The following EIF4G3 variants were observed in gnomAD, a reference collection of about 807,000 sequenced individuals.
EIF4G3 encodes eIF-4-gamma 3.
Under a neutral mutation model 186.4 loss-of-function variants are expected in EIF4G3, and 34 were observed. The observed-to-expected ratio is 0.18, with a 90% CI of 0.14 to 0.24. The LOEUF (loss-of-function observed/expected upper bound fraction) is 0.24. EIF4G3 is among the 10% of genes least tolerant of loss of function. The pLI is 1.00. For synonymous variants in EIF4G3, 673 were observed against 679.5 expected (o/e 0.99, Z 0.15); for missense variants, 1,536 against 1,948.5 (o/e 0.79, Z 3.99).
chr1:21,057,346 T>C (rs1001363600), intron 3 of EIF4G3, among the ~76,000 whole-genome samples: 1 of 152,064 alleles, frequency 6.6e-6, no homozygotes, highest in Non-Finnish European at 1.5e-5. Context: ...AAAACTACCA[T>C]AACACAATTT....
intron 30 of EIF4G3, among the ~76,000 whole-genome samples, chr1:20,830,392 T>C (rs539927057): frequency 1.3e-5 from 2 of 152,340 alleles, no homozygotes; most frequent in South Asian, 4.1e-4. Context: ...CTTTCTGACC[T>C]CACAGCTTGC....
At chr1:20,953,984 T>C (rs1230837207) in intron 12 of EIF4G3, among the ~76,000 whole-genome samples, 1 of 152,148 alleles carries the variant, frequency 6.6e-6, no homozygotes, top group African/African-American at 2.4e-5. Flanking sequence ...AAAGAGACAA[T>C]ATGGCTGCAA....
intron 24 of EIF4G3, among the ~76,000 whole-genome samples, chr1:20,858,870 G>A (rs1254221836): frequency 5.3e-5 from 8 of 152,122 alleles, no homozygotes; most frequent in Admixed American, 4.6e-4. Flanking sequence ...GGTGGTGGGC[G>A]CCTGTAATCC....
intron 13 of EIF4G3, among the ~76,000 whole-genome samples, chr1:20,943,347 T>G (rs954844840): frequency 6.6e-6 from 1 of 152,174 alleles, no homozygotes; most frequent in Admixed American, 6.5e-5. Context: ...TCTGTGTATA[T>G]ATAGAGAGAA....
intron 32 of EIF4G3, among the ~76,000 whole-genome samples, chr1:20,826,071 G>T (rs1263807644): frequency 6.6e-6 from 1 of 152,210 alleles, no homozygotes; most frequent in Non-Finnish European, 1.5e-5. Flanking sequence ...CGGCCATCTG[G>T]CTCCAAAGCT....
At chr1:21,035,386 C>G (rs1276915693) in intron 4 of EIF4G3, among the ~76,000 whole-genome samples, 1 of 152,222 alleles carries the variant, frequency 6.6e-6, no homozygotes, top group South Asian at 2.1e-4. Flanking sequence ...ACAGCTCCAG[C>G]CACTCAGGTC....
intron 4 of EIF4G3, among the ~76,000 whole-genome samples, chr1:21,038,277 G>A (rs983198897): frequency 1.3e-5 from 2 of 152,118 alleles, no homozygotes; most frequent in African/African-American, 4.8e-5. Context: ...CCCAGGACCA[G>A]TTCCCCCAAG....
intron 2 of EIF4G3, among the ~76,000 whole-genome samples, chr1:21,164,473 T>C (rs2097822328): frequency 6.6e-6 from 1 of 152,184 alleles, no homozygotes; most frequent in African/African-American, 2.4e-5. Context: ...ATGTCTGTAA[T>C]TCCAACACTT....
chr1:20,920,664 T>C (rs940961341), intron 14 of EIF4G3, among the ~76,000 whole-genome samples: 9 of 152,198 alleles, frequency 5.9e-5, no homozygotes, highest in African/African-American at 2.2e-4. Flanking sequence ...GTAGACTTTC[T>C]TACTGATCAG....
chr1:20,843,235 G>A (rs1232820014), intron 29 of EIF4G3, among the ~76,000 whole-genome samples: 1 of 152,034 alleles, frequency 6.6e-6, no homozygotes, highest in Non-Finnish European at 1.5e-5. Context: ...CAATCCTCAG[G>A]CTGGAAGCGG....
At chr1:20,833,840 A>AT (rs1439681677) in intron 30 of EIF4G3, among the ~76,000 whole-genome samples, 23 of 152,240 alleles carry the variant, frequency 1.5e-4, no homozygotes, top group African/African-American at 5.3e-4. Flanking sequence ...CCCACAGCCA[A>AT]TATCATACTG....
intron 3 of EIF4G3, among the ~76,000 whole-genome samples, chr1:21,052,087 A>G (rs1418977038): frequency 6.6e-6 from 1 of 152,252 alleles, no homozygotes; most frequent in African/African-American, 2.4e-5. Flanking sequence ...ATTTTCTAAT[A>G]TAATACAATA....
At chr1:20,847,314 T>A (rs573711196) in intron 29 of EIF4G3, among the ~76,000 whole-genome samples, 1 of 152,350 alleles carries the variant, frequency 6.6e-6, no homozygotes, top group Admixed American at 6.5e-5. Context: ...TTAACCATAT[T>A]GCAGGCACAG....
chr1:21,153,505 T>G (rs367758923), intron 2 of EIF4G3, among the ~76,000 whole-genome samples: 3 of 152,206 alleles, frequency 2.0e-5, no homozygotes, highest in Admixed American at 6.5e-5. Flanking sequence ...TATGGTTGTT[T>G]AGGGGCTTGA....
intron 2 of EIF4G3, among the ~76,000 whole-genome samples, chr1:21,151,739 A>G (rs974308157): frequency 1.3e-5 from 2 of 152,068 alleles, no homozygotes; most frequent in Non-Finnish European, 2.9e-5. Context: ...AAACAGGGCT[A>G]ATTTCAAGGT....
chr1:21,104,834 C>T (rs1172783994), intron 2 of EIF4G3, among the ~76,000 whole-genome samples: 1 of 151,834 alleles, frequency 6.6e-6, no homozygotes, highest in African/African-American at 2.4e-5. Flanking sequence ...CAATGGTAGA[C>T]TAAAGAAAAT....
intron 29 of EIF4G3, among the ~76,000 whole-genome samples, chr1:20,845,489 C>T (rs1264580941): frequency 3.3e-5 from 5 of 152,054 alleles, no homozygotes; most frequent in African/African-American, 1.2e-4. Context: ...CGTGAAACCC[C>T]GTTTCTACTA....
intron 14 of EIF4G3, among the ~76,000 whole-genome samples, chr1:20,912,055 T>C (rs1346104807): frequency 6.6e-6 from 1 of 152,144 alleles, no homozygotes; most frequent in South Asian, 2.1e-4. Context: ...ATTGGAGCAC[T>C]GCTTGAGCCT....
intron 2 of EIF4G3, among the ~76,000 whole-genome samples, chr1:21,127,639 G>A (rs1039263573): frequency 4.6e-5 from 7 of 152,146 alleles, no homozygotes; most frequent in African/African-American, 7.2e-5. Flanking sequence ...ATAAAAGATT[G>A]TTTTGAGGAC....
Sources: allele counts gnomAD v4.1 joint callset (sites outside exome capture counted in the v4.1 genomes callset), GRCh38; gene constraint gnomAD v4.1.1; transcripts MANE v1.5; gene names NCBI Gene and HGNC (gene_info 2026-07-23, HGNC 2026-07-21).